Variants in WWOX observed in about 807,000 individuals in gnomAD.
The protein encoded by WWOX is WW domain containing oxidoreductase, also known as WW domain-containing oxidoreductase.
Under a neutral mutation model 46.2 loss-of-function variants are expected in WWOX, and 69 were observed. The observed-to-expected ratio is 1.49, with a 90% confidence interval of 1.23 to 1.82. WWOX has a LOEUF of 1.82. Ranked by LOEUF, WWOX falls within the 40% of genes most tolerant of loss-of-function variation. The probability of loss-of-function intolerance (pLI) is 0.00; values close to 1 mark genes in which losing one functional copy is unlikely to be tolerated. For synonymous variants in WWOX, 359 were observed against 202.6 expected (o/e 1.77, Z -6.56); for missense variants, 919 against 542.6 (o/e 1.69, Z -6.89).
At chr16:78,191,413 G>A (rs188104636) in intron 5 of WWOX, among the ~76,000 whole-genome samples, 2 of 152,178 alleles carry the variant, frequency 1.3e-5, no homozygotes, top group African/African-American at 4.8e-5. Flanking sequence ...ATAGAAAATA[G>A]CATCGTAATG....
chr16:78,501,085 G>C (rs188488140), intron 8 of WWOX, among the ~76,000 whole-genome samples: 23 of 152,172 alleles, frequency 1.5e-4, no homozygotes, highest in Admixed American at 1.3e-3. Context: ...CAGAGGGTCA[G>C]CTGAATGGCA....
chr16:78,948,102 T>C (rs1413946730), intron 8 of WWOX, among the ~76,000 whole-genome samples: 1 of 152,190 alleles, frequency 6.6e-6, no homozygotes, highest in Non-Finnish European at 1.5e-5. Flanking sequence ...GTGCAGCTGC[T>C]AGCATCTTGC....
intron 8 of WWOX, among the ~76,000 whole-genome samples, chr16:78,808,575 A>G (rs762666813): frequency 6.6e-6 from 1 of 152,190 alleles, no homozygotes; most frequent in South Asian, 2.1e-4. Context: ...TCAGTAGCCA[A>G]CATTCTGGGA....
At chr16:78,349,807 C>T (rs1416235244) in intron 5 of WWOX, among the ~76,000 whole-genome samples, 1 of 120,868 alleles carries the variant, frequency 8.3e-6, no homozygotes, top group South Asian at 2.5e-4. Context: ...TTAGCAAGCC[C>T]AGTGATTGGA....
At position 78,471,589 on chromosome 16, in the gene WWOX, G is replaced by A. The variant is rs191250372; in HGVS notation, c.1056+38837G>A. ...CTCTGCAGCGATAGTTGAATGTCTTGCCTTTTCTATTATTGCCCTTTTTCT... is the reference window on the plus strand; with the variant it reads ...CTCTGCAGCGATAGTTGAATGTCTTACCTTTTCTATTATTGCCCTTTTTCT... On this transcript the variant is annotated intron_variant, in intron 8 of 8. Coordinates refer to ENST00000566780, the MANE Select transcript of WWOX (RefSeq NM_016373.4). Among the ~76,000 whole-genome samples the A allele has an allele frequency of 2.2e-3, 335 of 152,276 alleles. 1 individual carries two copies. Among genetic ancestry groups the A allele is most frequent in the Non-Finnish European group, 3.3e-3 (222 of 68,024 alleles).
chr16:78,424,821 T>C, intron 6 of WWOX, 49 bp from the exon 7 acceptor site: 1 of 1,606,664 alleles, frequency 6.2e-7, no homozygotes, highest in Non-Finnish European at 8.5e-7. Flanking sequence ...TGGATTATCC[T>C]TGGTTGTAGT....
chr16:78,211,720 C>T (rs912602259), intron 5 of WWOX, among the ~76,000 whole-genome samples: 5 of 152,146 alleles, frequency 3.3e-5, no homozygotes, highest in South Asian at 4.1e-4. Flanking sequence ...GAATGAATAA[C>T]GGAGTGGCTT....
chr16:78,974,528 A>G (rs1413286733), intron 8 of WWOX, among the ~76,000 whole-genome samples: 1 of 152,190 alleles, frequency 6.6e-6, no homozygotes, highest in Non-Finnish European at 1.5e-5. Flanking sequence ...AAGGTTATCA[A>G]CTTTAATAAA....
At chr16:79,190,017 C>CAT (rs1567607388) in intron 8 of WWOX, among the ~76,000 whole-genome samples, 1 of 151,816 alleles carries the variant, frequency 6.6e-6, no homozygotes, top group Admixed American at 6.6e-5. Flanking sequence ...GTTTTCATAA[C>CAT]GCCTTGTTTT....
Position 78,660,544 on chromosome 16 carries a change from C to T in WWOX, c.1056+227792C>T, listed in dbSNP as rs138921700. Among the ~76,000 whole-genome samples the T allele has an allele frequency of 8.6e-4, 131 of 152,152 alleles. 5 individuals are homozygous for T. In the East Asian group the frequency reaches 0.019, roughly 22 times the overall value. ...GAATTCACAAAACAACTCAGGGCCTCCTGGTCCTGCAAAAGTGTTTACTGT... is the reference window on the plus strand; with the variant it reads ...GAATTCACAAAACAACTCAGGGCCTTCTGGTCCTGCAAAAGTGTTTACTGT... On this transcript the variant is annotated intron_variant, in intron 8 of 8. Coordinates refer to ENST00000566780, the MANE Select transcript of WWOX (RefSeq NM_016373.4).
At chr16:78,703,453 A>T (rs951960042) in intron 8 of WWOX, among the ~76,000 whole-genome samples, 1 of 149,428 alleles carries the variant, frequency 6.7e-6, no homozygotes, top group Non-Finnish European at 1.5e-5. Flanking sequence ...GTCTCTACAC[A>T]TTTTTTTTTT....
chr16:78,946,235 G>T (rs1250797954), intron 8 of WWOX, among the ~76,000 whole-genome samples: 1 of 152,096 alleles, frequency 6.6e-6, no homozygotes, highest in African/African-American at 2.4e-5. Flanking sequence ...CTGTCGCCCA[G>T]GATGGAGTAC....
At chr16:79,123,770 G>T (rs552689800) in intron 8 of WWOX, among the ~76,000 whole-genome samples, 5 of 152,268 alleles carry the variant, frequency 3.3e-5, no homozygotes, top group African/African-American at 1.2e-4. Flanking sequence ...ACATTATAAA[G>T]AATTATGTCA....
At chr16:78,608,523 T>A (rs933150832) in intron 8 of WWOX, among the ~76,000 whole-genome samples, 1 of 152,152 alleles carries the variant, frequency 6.6e-6, no homozygotes, top group Non-Finnish European at 1.5e-5. Flanking sequence ...TCCCTGCTGT[T>A]GGGAGGTTCA....
chr16:78,705,014 A>G (rs999876321), intron 8 of WWOX, among the ~76,000 whole-genome samples: 5 of 152,178 alleles, frequency 3.3e-5, no homozygotes, highest in African/African-American at 1.2e-4. Context: ...TAGAAGTGCA[A>G]CATTGCTTCT....
rs377712674 is a variant in WWOX, at chr16:78,465,434, C to T, written c.1056+32682C>T. ...AGCTCAAGCAGTCCGCCTGCATCGGCCTCCCGAAGTGCTGGGATTACAGGT... is the reference window on the plus strand; with the variant it reads ...AGCTCAAGCAGTCCGCCTGCATCGGTCTCCCGAAGTGCTGGGATTACAGGT... On this transcript the variant is annotated intron_variant, in intron 8 of 8. Transcript: ENST00000566780. Among the ~76,000 whole-genome samples, 116 of 152,328 alleles carry T rather than the reference C, an allele frequency of 7.6e-4. 1 individual carries two copies. The highest frequency in any genetic ancestry group is 1.3e-4 in the Non-Finnish European group (9 of 68,036).
chr16:79,080,808 A>G (rs1567536358), intron 8 of WWOX, among the ~76,000 whole-genome samples: 1 of 152,158 alleles, frequency 6.6e-6, no homozygotes, highest in Admixed American at 6.5e-5. Context: ...CTCTAAAAGA[A>G]TTTTTTAAGG....
intron 4 of WWOX, among the ~76,000 whole-genome samples, chr16:78,121,962 G>A (rs1323680288): frequency 1.3e-5 from 2 of 152,074 alleles, no homozygotes; most frequent in Non-Finnish European, 2.9e-5. Flanking sequence ...TGCCTGGCCC[G>A]TGTTTCACTT....
At chr16:78,435,275 C>T (rs982168518) in intron 8 of WWOX, among the ~76,000 whole-genome samples, 13 of 152,252 alleles carry the variant, frequency 8.5e-5, no homozygotes, top group Non-Finnish European at 1.3e-4. Context: ...TTAGTAATAG[C>T]AGATGCCCAA....
Sources: gnomAD v4.1 joint callset for allele counts (sites outside exome capture counted in the v4.1 genomes callset) on GRCh38, gnomAD v4.1.1 for gene constraint, MANE v1.5 for transcripts, NCBI Gene and HGNC (gene_info 2026-07-23, HGNC 2026-07-21) for gene names.